TGM3: variants seen among roughly 807,000 people sequenced by gnomAD.
TGM3 encodes protein-glutamine gamma-glutamyltransferase E.
In TGM3, 52 loss-of-function variants were observed where a neutral mutation model predicts 73.8. The ratio of observed to expected loss-of-function variants is 0.70; its 90% CI spans 0.56 to 0.89. The LOEUF is 0.89. Among genes scored for constraint, TGM3 ranks in the 40% least tolerant of loss-of-function variants. TGM3 has a pLI of 0.00. For synonymous variants in TGM3, 372 were observed against 354.9 expected, an observed-to-expected ratio of 1.05 and a Z score of -0.54; for missense variants, 928 against 909.9, an observed-to-expected ratio of 1.02 and a Z score of -0.26.
In TGM3 at chr20:2,309,770, T is replaced by G. The variant is rs781477181; in HGVS notation, c.121T>G (p.Leu41Val). ...GCGGAGAGGCCAAAACTTCCAGGTC[T>G]TAATGATCATGAACAAAGGCCTTGG... is the stretch of plus-strand genomic sequence containing the variant. ...ILRRGQNFQV[L>V]MIMNKGLGSN... Residue 41 changes from leucine to valine, a missense_variant, in exon 2 of 13, where the codon TTA (leucine) becomes GTA (valine). Transcript: ENST00000381458. 1 of 1,614,220 alleles carries G rather than the reference T, an allele frequency of 6.2e-7. No individual in the cohort carries two copies. Among genetic ancestry groups the G allele is most frequent in the Non-Finnish European group, 8.5e-7 (1 of 1,180,034 alleles).
At chr20:2,299,302 C>T (rs1277663526) in intron 1 of TGM3, among the ~76,000 whole-genome samples, 2 of 152,148 alleles carry the variant, frequency 1.3e-5, no homozygotes, top group East Asian at 3.9e-4. Flanking sequence ...ATTTTCTAAT[C>T]AGGGGCGATT....
At chr20:2,322,505 G>A (rs75278760) in intron 7 of TGM3, among the ~76,000 whole-genome samples, 4,344 of 152,142 alleles carry the variant, frequency 0.029, 160 homozygotes, top group African/African-American at 0.094. Context: ...CAAATACGTC[G>A]TAAGTGCATC....
chr20:2,339,645 A>T (rs954440294), intron 11 of TGM3, among the ~76,000 whole-genome samples: 2 of 152,274 alleles, frequency 1.3e-5, no homozygotes, highest in Middle Eastern at 3.4e-3. Flanking sequence ...TCCACAGCAC[A>T]GGATAATGTC....
chr20:2,320,963 C>A (rs2084259565), intron 7 of TGM3, among the ~76,000 whole-genome samples: 1 of 152,176 alleles, frequency 6.6e-6, no homozygotes, highest in South Asian at 2.1e-4. Context: ...GACTGCCCAG[C>A]CCTGCCAGGG....
intron 4 of TGM3, 112 bp downstream of exon 4, chr20:2,311,241 T>C: frequency 2.3e-6 from 2 of 871,018 alleles, no homozygotes; most frequent in East Asian, 4.9e-5. Flanking sequence ...CCTGCCCTTC[T>C]ATTTGTTCAT....
rs759967591 is a variant in TGM3 at position 2,328,215 on chromosome 20, G to A, written c.1183G>A (p.Ala395Thr). Residue 395 changes from alanine to threonine, a missense_variant, in exon 9 of 13, where the codon GCC becomes ACC. Ala to Thr is a moderately conservative substitution (Grantham distance 58). Transcript: ENST00000381458. This position sits in a 1 kb window ranked among gnomAD's most constrained non-coding sequence, Gnocchi z 5.2. ...DMPFIFAEVN[A>T]DRITWLYDNT... ...GCCCTTTATCTTCGCGGAGGTTAAT[G>A]CCGACCGCATCACCTGGCTGTACGA... 12 of 1,614,036 alleles carry A rather than the reference G, an allele frequency of 7.4e-6. No homozygotes were observed. The African/African-American group carries it at 8.0e-5, about 11-fold the overall frequency.
intron 1 of TGM3, among the ~76,000 whole-genome samples, chr20:2,309,397 C>G (rs572137457): frequency 7.9e-5 from 12 of 152,204 alleles, no homozygotes; most frequent in Non-Finnish European, 1.8e-4. Context: ...GTTCAGCTGT[C>G]TGAAAGGGCA....
chr20:2,298,029 A>AATGGCACT (rs2084120525), intron 1 of TGM3, among the ~76,000 whole-genome samples: 2 of 151,390 alleles, frequency 1.3e-5, no homozygotes, highest in Non-Finnish European at 3.0e-5. Context: ...ACTCTGAAAA[A>AATGGCACT]TGGTCACAGA....
chr20:2,330,343 A>C (rs2084313405), intron 9 of TGM3, among the ~76,000 whole-genome samples: 1 of 152,240 alleles, frequency 6.6e-6, no homozygotes, highest in South Asian at 2.1e-4. Context: ...TCAAGGTCCC[A>C]GGCACAGAAG....
intron 1 of TGM3, among the ~76,000 whole-genome samples, chr20:2,303,097 G>A (rs2084159048): frequency 1.3e-5 from 2 of 152,094 alleles, no homozygotes; most frequent in Non-Finnish European, 2.9e-5. Context: ...TCGGGAGTTC[G>A]ACAACAGGAT....
intron 4 of TGM3, 90 bp from the exon 5 acceptor site, chr20:2,312,808 T>C: frequency 6.5e-7 from 1 of 1,531,462 alleles, no homozygotes; most frequent in African/African-American, 1.4e-5. Flanking sequence ...GATCTGATAG[T>C]TCCTGTGGTT....
intron 9 of TGM3, among the ~76,000 whole-genome samples, chr20:2,331,557 A>T (rs971214737): frequency 7.2e-5 from 11 of 152,188 alleles, no homozygotes; most frequent in Non-Finnish European, 1.3e-4. Context: ...ACCAAAAAAA[A>T]TTTTTTAATT....
At chr20:2,309,598 T>G in intron 1 of TGM3, 59 bp from the exon 2 acceptor site, 1 of 1,582,504 alleles carries the variant, frequency 6.3e-7, no homozygotes, top group Non-Finnish European at 8.6e-7. Flanking sequence ...CTTACACCCT[T>G]CCCCCACACC....
intron 1 of TGM3, 82 bp downstream of exon 1, chr20:2,296,152 C>CT: frequency 1.3e-6 from 2 of 1,515,336 alleles, no homozygotes; most frequent in Non-Finnish European, 1.8e-6. Flanking sequence ...CCAGAGTGTC[C>CT]GGCCAGGACA....
chr20:2,300,120 G>A (rs977110713), intron 1 of TGM3, among the ~76,000 whole-genome samples: 3 of 137,602 alleles, frequency 2.2e-5, no homozygotes, highest in East Asian at 4.2e-4. Flanking sequence ...AAAAAATAAA[G>A]AAAGAAAGGA....
intron 7 of TGM3, among the ~76,000 whole-genome samples, chr20:2,323,414 C>G (rs143488332): frequency 6.6e-6 from 1 of 152,328 alleles, no homozygotes; most frequent in Non-Finnish European, 1.5e-5. Flanking sequence ...TGTTTGATAT[C>G]CCATTCCATG....
rs1259619784 is a variant in TGM3, at chr20:2,334,101, GC to G, written c.1643-1011del. 6.6e-6 allele frequency among the ~76,000 whole-genome samples: 1 copy of G among 152,224 alleles called. No individual in the cohort carries two copies. Among genetic ancestry groups the G allele is most frequent in the Non-Finnish European group, 1.5e-5 (1 of 68,040 alleles). On this transcript the variant is annotated intron_variant, in intron 10 of 12. Coordinates refer to ENST00000381458, the MANE Select transcript of TGM3 (RefSeq NM_003245.4). The surrounding 1 kb of genome is among the most constrained non-coding windows in gnomAD (Gnocchi z 4.0). ...CTAAGCCCATCAGGGTAGGGAAAGG[GC>G]CCCGCGGCCCACAGGGTCAGAAGAG... is the stretch of plus-strand genomic sequence containing the variant.
chr20:2,339,093 T>C (rs980556127), intron 11 of TGM3, among the ~76,000 whole-genome samples: 3 of 152,270 alleles, frequency 2.0e-5, no homozygotes, highest in Non-Finnish European at 4.4e-5. Context: ...AGGGAACCTC[T>C]GGGCTCTAGA....
Position 2,325,916 on chromosome 20 carries a change from C to T in TGM3, c.1051C>T (p.Gln351Ter). 1.3e-6 allele frequency: 2 copies of T among 1,595,184 alleles called. No homozygotes were observed. Among genetic ancestry groups the T allele is most frequent in the African/African-American group, 1.3e-5 (1 of 74,664 alleles). ...CCTGGGCCCCTCGTACGGTGGATGG[C>T]AGGTGTTGGATGCTACCCCGCAGGA... The part of the protein sequence containing the change: ...SDLGPSYGGW[Q>*]VLDATPQERS... The change falls in exon 8 of 13, where the codon CAG becomes TAG. Residue 351 changes from glutamine (Q) to a stop codon, truncating the protein, a stop_gained. Coordinates refer to ENST00000381458, the MANE Select transcript of TGM3 (RefSeq NM_003245.4). LOFTEE classifies it high-confidence loss of function.
Sources: gnomAD v4.1 joint callset for allele counts (sites outside exome capture counted in the v4.1 genomes callset) on GRCh38, gnomAD v4.1.1 for gene constraint, Gnocchi (gnomAD v3.1) non-coding constraint, MANE v1.5 for transcripts, NCBI Gene and HGNC (gene_info 2026-07-23, HGNC 2026-07-21) for gene names.